The following GCNT1 variants were observed in gnomAD, a reference collection of about 807,000 sequenced individuals.
GCNT1 encodes glucosaminyl (N-acetyl) transferase 1, also known as beta-1,3-galactosyl-O-glycosyl-glycoprotein beta-1,6-N-acetylglucosaminyltransferase.
Under a neutral mutation model 26.2 loss-of-function variants are expected in GCNT1, and 16 were observed. The ratio of observed to expected loss-of-function variants is 0.61; its 90% CI spans 0.41 to 0.93. The LOEUF (loss-of-function observed/expected upper bound fraction) is 0.93, where lower values mean the gene tolerates loss of function less well. Among genes scored for constraint, GCNT1 ranks in the 40% least tolerant of loss-of-function variants. The probability of loss-of-function intolerance (pLI) is 0.00; values close to 1 mark genes in which losing one functional copy is unlikely to be tolerated. For missense variants in GCNT1, 477 were observed against 526.7 expected (o/e 0.91, Z 0.92); for synonymous variants, 183 against 190.8 (o/e 0.96, Z 0.34).
At chr9:76,443,427 T>G (rs1224050418) in intron 1 of GCNT1, among the ~76,000 whole-genome samples, 1 of 152,214 alleles carries the variant, frequency 6.6e-6, no homozygotes, top group African/African-American at 2.4e-5. Flanking sequence ...AACGAAGGGA[T>G]GGGCCGAATT....
intron 2 of GCNT1, among the ~76,000 whole-genome samples, chr9:76,497,982 TC>T (rs1824957284): frequency 1.0e-5 from 1 of 95,492 alleles, no homozygotes; most frequent in Admixed American, 1.4e-4. Flanking sequence ...CTACCAGCAT[TC>T]ATTGCCATTC....
chr9:76,457,311 C>T (rs556133713), upstream of GCNT1, among the ~76,000 whole-genome samples: 13 of 152,338 alleles, frequency 8.5e-5, no homozygotes, highest in African/African-American at 2.9e-4. Context: ...TGCAGTGGCA[C>T]GATCTCAGCT....
At chr9:76,410,617 AT>A in the GCNT1 span, among the ~76,000 whole-genome samples, 9 of 152,234 alleles carry the variant, frequency 5.9e-5, no homozygotes, top group African/African-American at 2.2e-4. Flanking sequence ...GTTTAAAAAA[AT>A]AAAAAACTAA....
the GCNT1 span, among the ~76,000 whole-genome samples, chr9:76,395,005 C>G: frequency 6.6e-6 from 1 of 152,150 alleles, no homozygotes; most frequent in Non-Finnish European, 1.5e-5. Context: ...AGGGAGAAGT[C>G]CCTGTCTGTG....
chr9:76,463,762 C>T (rs571426253), intron 2 of GCNT1, among the ~76,000 whole-genome samples: 4 of 152,294 alleles, frequency 2.6e-5, no homozygotes, highest in South Asian at 4.1e-4. Flanking sequence ...AACACATAGT[C>T]ACACCGGCTC....
intron 2 of GCNT1, among the ~76,000 whole-genome samples, chr9:76,489,489 G>A (rs994634908): frequency 1.7e-4 from 26 of 152,164 alleles, no homozygotes; most frequent in African/African-American, 5.6e-4. Context: ...GCCACTGCTG[G>A]CTCAGGTGTC....
chr9:76,399,888 T>A, the GCNT1 span, among the ~76,000 whole-genome samples: 4 of 152,310 alleles, frequency 2.6e-5, no homozygotes, highest in Non-Finnish European at 5.9e-5. Context: ...TGCCATACTA[T>A]TCTGTGCTAA....
chr9:76,393,949 C>T, the GCNT1 span: 1 of 744,164 alleles, frequency 1.3e-6, no homozygotes, highest in East Asian at 3.1e-5. Context: ...CCGCCACAGA[C>T]AAGGGGATGC....
chr9:76,394,254 A>G, the GCNT1 span: 1 of 1,403,704 alleles, frequency 7.1e-7, no homozygotes, highest in Non-Finnish European at 9.7e-7. Context: ...CAGACCCCGG[A>G]CCAGCCGGGG....
intron 2 of GCNT1, among the ~76,000 whole-genome samples, chr9:76,465,155 G>GTT (rs374781585): frequency 0.1 from 14,367 of 144,126 alleles, 783 homozygotes; most frequent in Middle Eastern, 0.17. Flanking sequence ...TCTGATTTGA[G>GTT]TTTTTTTTTT....
chr9:76,502,790 GA>G lies in GCNT1; in HGVS notation c.410del (p.Asp137AlafsTer4). 6.2e-7 allele frequency: 1 copy of G among 1,614,112 alleles called. No individual in the cohort carries two copies. Among genetic ancestry groups the G allele is most frequent in the Non-Finnish European group, 8.5e-7 (1 of 1,180,002 alleles). ...IVVHHKIEML[D>X]RLLRAIYMPQ... ...GGTTCATCACAAGATTGAAATGCTT[GA>G]CAGGCTGCTGAGGGCCATCTATATG... On this transcript the variant is annotated frameshift_variant, in exon 4 of 4. Coordinates refer to ENST00000376730, the MANE Select transcript of GCNT1 (RefSeq NM_001490.5). LOFTEE classifies it high-confidence loss of function.
the GCNT1 span, among the ~76,000 whole-genome samples, chr9:76,408,523 A>G: frequency 1.3e-5 from 2 of 152,044 alleles, no homozygotes; most frequent in African/African-American, 2.4e-5. Context: ...ATCTTTTTAC[A>G]CATTGTTGGA....
chr9:76,443,723 A>T (rs972839425), intron 1 of GCNT1, among the ~76,000 whole-genome samples: 1 of 152,118 alleles, frequency 6.6e-6, no homozygotes, highest in African/African-American at 2.4e-5. Context: ...TCTACTAAAG[A>T]TACAAAAGCT....
chr9:76,474,136 A>G (rs1241196268), intron 2 of GCNT1, among the ~76,000 whole-genome samples: 1 of 152,172 alleles, frequency 6.6e-6, no homozygotes, highest in Non-Finnish European at 1.5e-5. Flanking sequence ...AGCCACTAGT[A>G]ATCAAAGAAA....
chr9:76,501,624 A>C lies in GCNT1; in HGVS notation c.-144+563A>C, dbSNP rs137887460. Reference sequence around the variant, plus strand: ...GTTTCATCTGAGCCTTTTCAATCCAATTTGAAAATTCTGTTGACTTGCCCT... The same window carrying C: ...GTTTCATCTGAGCCTTTTCAATCCACTTTGAAAATTCTGTTGACTTGCCCT... On this transcript the variant is annotated intron_variant, in intron 3 of 3. Transcript: ENST00000376730. The C allele has an allele frequency of 2.8e-3, 421 of 152,314 alleles. 2 individuals are homozygous for C. The highest frequency in any genetic ancestry group is 9.4e-3 in the African/African-American group (392 of 41,580). 9.4% of individuals were successfully genotyped at this position (152,314 alleles called of 1,614,324 possible). A position where few individuals can be genotyped will look rare whatever the true frequency, so the allele number is the denominator to read the frequency against.
the GCNT1 span, among the ~76,000 whole-genome samples, chr9:76,414,695 A>G: frequency 6.6e-6 from 1 of 152,172 alleles, no homozygotes; most frequent in Non-Finnish European, 1.5e-5. Flanking sequence ...GTAAACTGTC[A>G]TGGTGCTAGT....
At chr9:76,405,484 C>T in the GCNT1 span, among the ~76,000 whole-genome samples, 372 of 152,300 alleles carry the variant, frequency 2.4e-3, 1 homozygote, top group African/African-American at 8.4e-3. Flanking sequence ...CTTGTATCCA[C>T]CATTATCGTA....
chr9:76,403,883 T>C, the GCNT1 span, among the ~76,000 whole-genome samples: 1 of 152,234 alleles, frequency 6.6e-6, no homozygotes, highest in Admixed American at 6.5e-5. Context: ...TTTTTAATTA[T>C]ACATTTGGTG....
intron 1 of GCNT1, among the ~76,000 whole-genome samples, chr9:76,426,842 C>T (rs960418018): frequency 2.6e-5 from 4 of 152,054 alleles, no homozygotes; most frequent in Middle Eastern, 6.8e-3. Flanking sequence ...ACCTGGGAGG[C>T]GGAGGTTGCA....
Sources: allele counts gnomAD v4.1 joint callset (sites outside exome capture counted in the v4.1 genomes callset), GRCh38; gene constraint gnomAD v4.1.1; transcripts MANE v1.5; gene names NCBI Gene and HGNC (gene_info 2026-07-23, HGNC 2026-07-21).